Variants in CTNNA3 observed in about 807,000 individuals in gnomAD.
The protein encoded by CTNNA3 is catenin alpha-3.
CTNNA3 carries 76 observed loss-of-function variants against 95.7 expected under a neutral mutation model. The observed-to-expected ratio is 0.79, with a 90% confidence interval of 0.66 to 0.96. The LOEUF (loss-of-function observed/expected upper bound fraction) is 0.96, where lower values mean the gene tolerates loss of function less well. Among genes scored for constraint, CTNNA3 ranks in the 40% least tolerant of loss-of-function variants. The pLI is 0.00. For missense variants in CTNNA3, 1,191 were observed against 1,089.8 expected (o/e 1.09, Z -1.31); for synonymous variants, 431 against 374.4 (o/e 1.15, Z -1.74).
intron 12 of CTNNA3, among the ~76,000 whole-genome samples, chr10:66,334,295 G>A (rs1025517208): frequency 1.4e-4 from 22 of 151,868 alleles, no homozygotes; most frequent in Non-Finnish European, 2.4e-4. Context: ...TATTTTGCTC[G>A]TTAGTTGATG....
At chr10:65,993,243 T>C (rs1363713017) in intron 15 of CTNNA3, among the ~76,000 whole-genome samples, 2 of 152,228 alleles carry the variant, frequency 1.3e-5, no homozygotes, top group Non-Finnish European at 2.9e-5. Context: ...TTCTGTAGAT[T>C]GGCCTCTTAG....
chr10:67,258,869 T>C (rs1866465821), intron 5 of CTNNA3, among the ~76,000 whole-genome samples: 1 of 152,190 alleles, frequency 6.6e-6, no homozygotes, highest in South Asian at 2.1e-4. Flanking sequence ...GGATCCCCAC[T>C]GATACCAGAA....
intron 10 of CTNNA3, among the ~76,000 whole-genome samples, chr10:66,538,592 C>G (rs1312897054): frequency 6.6e-6 from 1 of 152,148 alleles, no homozygotes; most frequent in Non-Finnish European, 1.5e-5. Context: ...AGATACGTGA[C>G]TCTCCTGAAT....
intron 6 of CTNNA3, among the ~76,000 whole-genome samples, chr10:67,218,862 A>C (rs891723925): frequency 6.6e-6 from 1 of 152,186 alleles, no homozygotes; most frequent in South Asian, 2.1e-4. Context: ...CAACTATCAT[A>C]GTCCTTTTAA....
chr10:67,223,479 CT>C (rs1326691279), intron 5 of CTNNA3, among the ~76,000 whole-genome samples: 3 of 152,084 alleles, frequency 2.0e-5, no homozygotes, highest in African/African-American at 4.8e-5. Flanking sequence ...TATTTATAAT[CT>C]TTTTTTAAAT....
Position 67,484,082 on chromosome 10 carries a change from T to C in CTNNA3, c.579+37760A>G, listed in dbSNP as rs182068675. Among the ~76,000 whole-genome samples, 553 of 152,246 alleles carry C rather than the reference T, an allele frequency of 3.6e-3. 8 individuals carry two copies. The highest frequency in any genetic ancestry group is 0.013 in the African/African-American group (530 of 41,546). ...CACATTACCCAACTTCAAACTATAC[T>C]CTAAGGCTACAGTAACCAAAAGGGC... On this transcript the variant is annotated intron_variant, in intron 5 of 17. Transcript: ENST00000433211.
intron 7 of CTNNA3, among the ~76,000 whole-genome samples, chr10:67,175,099 G>A (rs542546114): frequency 4.6e-4 from 4 of 8,660 alleles, no homozygotes; most frequent in African/African-American, 2.0e-3. Flanking sequence ...AAGGAAGGGA[G>A]GGAGGAAGGG....
chr10:65,931,129 G>C (rs1030044374), intron 17 of CTNNA3, among the ~76,000 whole-genome samples: 3 of 151,968 alleles, frequency 2.0e-5, no homozygotes, highest in African/African-American at 7.3e-5. Flanking sequence ...CTATGTCATT[G>C]GCTCTATTAC....
At chr10:67,198,334 T>C (rs1401341775) in intron 6 of CTNNA3, among the ~76,000 whole-genome samples, 1 of 152,144 alleles carries the variant, frequency 6.6e-6, no homozygotes, top group Non-Finnish European at 1.5e-5. Context: ...GATAAAAGTT[T>C]AAGCTGTTGC....
chr10:66,746,810 C>A (rs1838896210), intron 9 of CTNNA3, among the ~76,000 whole-genome samples: 1 of 152,118 alleles, frequency 6.6e-6, no homozygotes, highest in Non-Finnish European at 1.5e-5. Context: ...AAAATGTCTG[C>A]ACTCACAACT....
chr10:66,159,412 T>A (rs1311304753), intron 13 of CTNNA3, among the ~76,000 whole-genome samples: 1 of 152,132 alleles, frequency 6.6e-6, no homozygotes, highest in Non-Finnish European at 1.5e-5. Flanking sequence ...TCTATTGAGA[T>A]AATCATGTGA....
At chr10:66,962,350 T>G (rs1174358486) in intron 7 of CTNNA3, among the ~76,000 whole-genome samples, 3 of 152,106 alleles carry the variant, frequency 2.0e-5, no homozygotes, top group Non-Finnish European at 4.4e-5. Flanking sequence ...TATAATACTC[T>G]TGCCCCAAAT....
intron 7 of CTNNA3, among the ~76,000 whole-genome samples, chr10:66,988,197 C>T (rs1192229520): frequency 6.6e-6 from 1 of 152,088 alleles, no homozygotes; most frequent in East Asian, 1.9e-4. Context: ...TCTTCAAACT[C>T]AAGTATCTTC....
chr10:67,101,687 C>A (rs965244272), intron 7 of CTNNA3, among the ~76,000 whole-genome samples: 2 of 151,672 alleles, frequency 1.3e-5, no homozygotes, highest in Non-Finnish European at 3.0e-5. Flanking sequence ...ATCACATAAT[C>A]CTATTTTGAA....
At chr10:67,011,071 T>C (rs2133036973) in intron 7 of CTNNA3, among the ~76,000 whole-genome samples, 1 of 152,262 alleles carries the variant, frequency 6.6e-6, no homozygotes, top group Middle Eastern at 3.4e-3. Context: ...GGCTCACGCC[T>C]GTAATCCCAG....
intron 11 of CTNNA3, among the ~76,000 whole-genome samples, chr10:66,489,972 C>T (rs2131931525): frequency 6.6e-6 from 1 of 152,270 alleles, no homozygotes; most frequent in African/African-American, 2.4e-5. Flanking sequence ...TTTGAGTAAA[C>T]AATGTTGGCG....
chr10:66,338,072 A>G (rs1382586002), intron 12 of CTNNA3, among the ~76,000 whole-genome samples: 1 of 152,102 alleles, frequency 6.6e-6, no homozygotes. Flanking sequence ...TTAAGAATAG[A>G]TAACATAAAA....
chr10:67,761,646 A>G (rs1413171263), intron 1 of CTNNA3, among the ~76,000 whole-genome samples: 3 of 152,156 alleles, frequency 2.0e-5, no homozygotes, highest in Non-Finnish European at 2.9e-5. Flanking sequence ...TGGGAGGCCG[A>G]GGCGGGCAGA....
chr10:67,266,075 A>G (rs142607821), intron 5 of CTNNA3, among the ~76,000 whole-genome samples: 37 of 152,294 alleles, frequency 2.4e-4, no homozygotes, highest in African/African-American at 8.7e-4. Flanking sequence ...TAAACAGAGA[A>G]AAAAATTAAA....
Sources: allele counts gnomAD v4.1 joint callset (sites outside exome capture counted in the v4.1 genomes callset), GRCh38; gene constraint gnomAD v4.1.1; transcripts MANE v1.5; gene names NCBI Gene and HGNC (gene_info 2026-07-23, HGNC 2026-07-21).